BLTP1: variants seen among roughly 807,000 people sequenced by gnomAD.
BLTP1 encodes the protein bridge-like lipid transfer protein family member 1.
At chr4:122,176,521 C>T in the BLTP1 span, among the ~76,000 whole-genome samples, 4 of 152,016 alleles carry the variant, frequency 2.6e-5, no homozygotes, top group Non-Finnish European at 5.9e-5. Context: ...ATTAAAAGTA[C>T]ACTACCACTC....
chr4:122,256,808 T>G, the BLTP1 span: 2 of 514,024 alleles, frequency 3.9e-6, no homozygotes, highest in South Asian at 1.7e-4. Flanking sequence ...GTTATAGTAA[T>G]TTATTTTTTT....
chr4:122,223,651 G>C, the BLTP1 span, among the ~76,000 whole-genome samples: 1 of 152,164 alleles, frequency 6.6e-6, no homozygotes, highest in Non-Finnish European at 1.5e-5. Context: ...GATCAGATTT[G>C]TATGTTTAGA....
the BLTP1 span, chr4:122,280,197 C>G: frequency 3.0e-6 from 3 of 984,898 alleles, no homozygotes; most frequent in Non-Finnish European, 3.6e-6. Context: ...TGTCAGTGTT[C>G]CATATTGCAT....
the BLTP1 span, chr4:122,276,729 C>A: frequency 1.1e-6 from 1 of 924,056 alleles, no homozygotes; most frequent in Non-Finnish European, 1.3e-6. Context: ...ATTCCGTAAA[C>A]TACTGCCTCC....
At chr4:122,360,558 T>C in the BLTP1 span, among the ~76,000 whole-genome samples, 1 of 152,234 alleles carries the variant, frequency 6.6e-6, no homozygotes, top group Non-Finnish European at 1.5e-5. Flanking sequence ...AGGTTTTTAT[T>C]CAGACATATT....
chr4:122,238,764 A>G, the BLTP1 span, among the ~76,000 whole-genome samples: 5 of 152,026 alleles, frequency 3.3e-5, no homozygotes, highest in Non-Finnish European at 5.9e-5. Context: ...CTCCTTGGCT[A>G]TTCCTTCTCA....
chr4:122,253,493 A>G, the BLTP1 span, among the ~76,000 whole-genome samples: 1 of 152,236 alleles, frequency 6.6e-6, no homozygotes, highest in South Asian at 2.1e-4. Flanking sequence ...GAGTTGAAAA[A>G]TCCAAGTGAC....
chr4:122,200,444 G>A, the BLTP1 span: 23 of 529,446 alleles, frequency 4.3e-5, no homozygotes, highest in Middle Eastern at 1.9e-3. Context: ...CAGGTGTGAT[G>A]GCGCGCATGC....
At chr4:122,267,429 A>G in the BLTP1 span, 2 of 152,708 alleles carry the variant, frequency 1.3e-5, no homozygotes, top group Middle Eastern at 3.4e-3. Context: ...ACATTTTCTT[A>G]TTAATAACTA....
chr4:122,284,841 G>A, the BLTP1 span, among the ~76,000 whole-genome samples: 1 of 152,148 alleles, frequency 6.6e-6, no homozygotes, highest in South Asian at 2.1e-4. Context: ...CATATATACG[G>A]TTTGATACTA....
chr4:122,358,750 T>G, the BLTP1 span, among the ~76,000 whole-genome samples: 11 of 152,156 alleles, frequency 7.2e-5, no homozygotes, highest in Admixed American at 4.6e-4. Context: ...ATTCAATTAT[T>G]TCACGTCCAG....
At chr4:122,234,853 TC>T in the BLTP1 span, 1 of 1,613,824 alleles carries the variant, frequency 6.2e-7, no homozygotes, top group African/African-American at 1.3e-5. Context: ...GGCTGCAGAT[TC>T]TTTGGTGGCA....
chr4:122,190,623 A>G, the BLTP1 span: 1 of 455,982 alleles, frequency 2.2e-6, no homozygotes, highest in Non-Finnish European at 2.9e-6. Context: ...GTTTTCATAG[A>G]TAAACCTCAA....
At chr4:122,178,565 G>A in the BLTP1 span, among the ~76,000 whole-genome samples, 3 of 152,160 alleles carry the variant, frequency 2.0e-5, no homozygotes, top group Non-Finnish European at 4.4e-5. Flanking sequence ...AATTGGAGAC[G>A]CCAAGGCATA....
the BLTP1 span, chr4:122,343,660 G>A: frequency 6.3e-7 from 1 of 1,575,888 alleles, no homozygotes; most frequent in South Asian, 1.1e-5. Context: ...ATCTTTTCAA[G>A]CTTTCAAGCT....
At chr4:122,218,629 A>G in the BLTP1 span, among the ~76,000 whole-genome samples, 1 of 152,226 alleles carries the variant, frequency 6.6e-6, no homozygotes, top group African/African-American at 2.4e-5. Flanking sequence ...GTTAACAGGA[A>G]TATTTAACAA....
At chr4:122,182,401 A>G in the BLTP1 span, among the ~76,000 whole-genome samples, 2 of 152,274 alleles carry the variant, frequency 1.3e-5, no homozygotes, top group East Asian at 3.9e-4. Context: ...AGGGTCCTCC[A>G]TACACAGTTT....
the BLTP1 span, among the ~76,000 whole-genome samples, chr4:122,284,480 A>G: frequency 1.3e-5 from 2 of 152,170 alleles, no homozygotes; most frequent in East Asian, 1.9e-4. Context: ...TTTGTTCTGT[A>G]TCTAATGAAA....
chr4:122,231,989 G>A, the BLTP1 span: 12 of 873,042 alleles, frequency 1.4e-5, no homozygotes, highest in Non-Finnish European at 1.6e-5. Flanking sequence ...TTTGTTATAT[G>A]TTGTGCAGGA....
Sources: allele counts gnomAD v4.1 joint callset (sites outside exome capture counted in the v4.1 genomes callset), GRCh38; gene constraint gnomAD v4.1.1; transcripts MANE v1.5; gene names NCBI Gene and HGNC (gene_info 2026-07-23, HGNC 2026-07-21).